The following DPY19L2 variants were observed in gnomAD, a reference collection of about 807,000 sequenced individuals.
The protein encoded by DPY19L2 is probable C-mannosyltransferase DPY19L2.
A neutral mutation model predicts 97.9 loss-of-function variants in DPY19L2; 34 were observed. The ratio of observed to expected loss-of-function variants is 0.35; its 90% CI spans 0.26 to 0.46. The LOEUF is 0.46. DPY19L2 is among the 20% of genes least tolerant of loss of function. The probability of loss-of-function intolerance (pLI) is 1.00; values close to 1 mark genes in which losing one functional copy is unlikely to be tolerated. For synonymous variants in DPY19L2, 230 were observed against 307.9 expected (o/e 0.75, Z 2.65); for missense variants, 623 against 911.4 (o/e 0.68, Z 4.07).
intron 16 of DPY19L2, 168 bp from the exon 17 acceptor site, chr12:63,584,004 A>G (rs2137386637): frequency 1.8e-6 from 1 of 556,970 alleles, no homozygotes. Context: ...CAAAAATTAC[A>G]ACAATTTAAA....
At chr12:63,629,045 C>A (rs1427462940) in intron 6 of DPY19L2, among the ~76,000 whole-genome samples, 3 of 151,936 alleles carry the variant, frequency 2.0e-5, no homozygotes, top group Admixed American at 6.6e-5. Flanking sequence ...GAAAGGACAC[C>A]CACACCAAAA....
intron 6 of DPY19L2, among the ~76,000 whole-genome samples, chr12:63,628,243 G>C (rs545876985): frequency 6.6e-6 from 1 of 152,168 alleles, no homozygotes; most frequent in Non-Finnish European, 1.5e-5. Context: ...GCAGCGCACC[G>C]AGCATGAGCC....
chr12:63,571,263 G>A (rs1406493817), intron 19 of DPY19L2, among the ~76,000 whole-genome samples: 1 of 152,004 alleles, frequency 6.6e-6, no homozygotes, highest in Admixed American at 6.6e-5. Context: ...TGGAAAAAAT[G>A]GTCTTCCACG....
intron 16 of DPY19L2, among the ~76,000 whole-genome samples, chr12:63,592,910 C>T (rs1168562764): frequency 2.6e-5 from 4 of 151,438 alleles, no homozygotes; most frequent in African/African-American, 4.9e-5. Flanking sequence ...GGCTAATATC[C>T]AGAATCTACA....
chr12:63,612,352 T>C (rs1425051655), intron 11 of DPY19L2, among the ~76,000 whole-genome samples: 1 of 151,950 alleles, frequency 6.6e-6, no homozygotes, highest in African/African-American at 2.4e-5. Flanking sequence ...ATATAACATT[T>C]TAAAAATTTC....
intron 19 of DPY19L2, among the ~76,000 whole-genome samples, chr12:63,573,379 G>A (rs1280197608): frequency 6.6e-6 from 1 of 151,902 alleles, no homozygotes; most frequent in Non-Finnish European, 1.5e-5. Context: ...CTTAAAGACA[G>A]GTTGCTTGAA....
At chr12:63,600,720 G>A (rs1376966721) in intron 12 of DPY19L2, among the ~76,000 whole-genome samples, 1 of 146,850 alleles carries the variant, frequency 6.8e-6, no homozygotes, top group Admixed American at 6.8e-5. Context: ...GGGGGGATTT[G>A]AACAAAGAAA....
At chr12:63,645,468 C>T (rs1038260128) in intron 5 of DPY19L2, among the ~76,000 whole-genome samples, 7 of 152,124 alleles carry the variant, frequency 4.6e-5, no homozygotes, top group African/African-American at 1.7e-4. Flanking sequence ...GACTCCAACT[C>T]TACATTTAAT....
rs187045955 is a variant in DPY19L2 at position 63,569,056 on chromosome 12, A to G, written c.2126+168T>C. Among the ~76,000 whole-genome samples the G allele has an allele frequency of 2.6e-4, 39 of 152,158 alleles. No homozygotes were observed. In the East Asian group the frequency reaches 7.1e-3, roughly 28 times the overall value. On this transcript the variant is annotated intron_variant, in intron 21 of 21. Coordinates refer to ENST00000324472, the MANE Select transcript of DPY19L2 (RefSeq NM_173812.5). Reference sequence around the variant, plus strand: ...TTTGGAATTAAATTCTACTTCATTGATAGTATAGTTTTATGTCTCTAGATG... The same window carrying G: ...TTTGGAATTAAATTCTACTTCATTGGTAGTATAGTTTTATGTCTCTAGATG...
intron 21 of DPY19L2, among the ~76,000 whole-genome samples, chr12:63,565,514 C>A (rs1057159904): frequency 9.9e-5 from 15 of 152,128 alleles, no homozygotes; most frequent in Non-Finnish European, 1.8e-4. Context: ...TTTGTCCTAC[C>A]TGGATAATAA....
intron 6 of DPY19L2, among the ~76,000 whole-genome samples, chr12:63,643,885 G>A (rs907830163): frequency 6.6e-6 from 1 of 152,138 alleles, no homozygotes; most frequent in African/African-American, 2.4e-5. Context: ...ATCTCAGGGA[G>A]CAATTAAGTG....
chr12:63,585,072 C>T (rs1463427781), intron 16 of DPY19L2, among the ~76,000 whole-genome samples: 1 of 151,990 alleles, frequency 6.6e-6, no homozygotes, highest in Non-Finnish European at 1.5e-5. Flanking sequence ...TTTCAAGCAT[C>T]CACTGGGGGT....
intron 13 of DPY19L2, among the ~76,000 whole-genome samples, 181 bp downstream of exon 13, chr12:63,600,125 T>C (rs541440212): frequency 1.3e-5 from 2 of 152,264 alleles, no homozygotes; most frequent in East Asian, 1.9e-4. Context: ...TTCTTTTTAG[T>C]GGGTTGCAAA....
chr12:63,627,499 T>C (rs1479049937), intron 6 of DPY19L2, among the ~76,000 whole-genome samples: 3 of 152,020 alleles, frequency 2.0e-5, no homozygotes, highest in Non-Finnish European at 4.4e-5. Context: ...TACAGGCACA[T>C]GCCACCACAC....
At chr12:63,631,001 G>A (rs1280392459) in intron 6 of DPY19L2, among the ~76,000 whole-genome samples, 1 of 152,070 alleles carries the variant, frequency 6.6e-6, no homozygotes, top group Non-Finnish European at 1.5e-5. Flanking sequence ...CAGGAATAAA[G>A]ATGTTCTTTG....
chr12:63,660,514 A>C (rs1895539121), intron 4 of DPY19L2, among the ~76,000 whole-genome samples: 1 of 152,000 alleles, frequency 6.6e-6, no homozygotes, highest in African/African-American at 2.4e-5. Flanking sequence ...GAAGCAGAAC[A>C]AAGGTGATTT....
At chr12:63,576,447 A>C (rs1268986924) in intron 19 of DPY19L2, among the ~76,000 whole-genome samples, 1 of 151,924 alleles carries the variant, frequency 6.6e-6, no homozygotes, top group Non-Finnish European at 1.5e-5. Flanking sequence ...TAAATAGAGC[A>C]ATCAGACAAG....
intron 11 of DPY19L2, 102 bp downstream of exon 11, chr12:63,617,202 T>C: frequency 1.5e-6 from 1 of 652,598 alleles, no homozygotes; most frequent in Non-Finnish European, 2.7e-6. Flanking sequence ...TGTTGAGTGA[T>C]AATCAGGAAA....
intron 16 of DPY19L2, among the ~76,000 whole-genome samples, chr12:63,588,440 GA>G (rs1882191820): frequency 6.6e-6 from 1 of 152,096 alleles, no homozygotes; most frequent in South Asian, 2.1e-4. Flanking sequence ...GAATAAGTTC[GA>G]GAGATCGACT....
Sources: allele counts gnomAD v4.1 joint callset (sites outside exome capture counted in the v4.1 genomes callset), GRCh38; gene constraint gnomAD v4.1.1; transcripts MANE v1.5; gene names NCBI Gene and HGNC (gene_info 2026-07-23, HGNC 2026-07-21).